TPMT: variants seen among roughly 807,000 people sequenced by gnomAD.
TPMT encodes thiopurine S-methyltransferase.
Under a neutral mutation model 34.2 loss-of-function variants are expected in TPMT, and 18 were observed. That is an observed-to-expected ratio of 0.53 (90% CI 0.36 to 0.78). The LOEUF (loss-of-function observed/expected upper bound fraction) is 0.78, where lower values mean the gene tolerates loss of function less well. Ranked by LOEUF, TPMT falls within the 30% of genes least tolerant of loss-of-function variation. The probability of loss-of-function intolerance (pLI) is 0.00; values close to 1 mark genes in which losing one functional copy is unlikely to be tolerated. For missense variants in TPMT, 265 were observed against 288.1 expected, an observed-to-expected ratio of 0.92 and a Z score of 0.58; for synonymous variants, 69 against 92.4, an observed-to-expected ratio of 0.75 and a Z score of 1.45.
rs1784340126 is a variant in TPMT, at chr6:18,150,893, T to C, written c.-44-1722A>G. Among the ~76,000 whole-genome samples the C allele has an allele frequency of 6.6e-6, 1 of 152,162 alleles. No homozygotes were observed. The highest frequency in any genetic ancestry group is 6.5e-5 in the Admixed American group (1 of 15,276). ...CAGGTCCAGCTAATTTTTGTGTTTTTAATAGAGATGAGATTTGACCATGTT... is the reference window on the plus strand; with the variant it reads ...CAGGTCCAGCTAATTTTTGTGTTTTCAATAGAGATGAGATTTGACCATGTT... On this transcript the variant is annotated intron_variant, in intron 1 of 8. Transcript: ENST00000309983. The surrounding 1 kb of genome is among the most constrained non-coding windows in gnomAD (Gnocchi z 5.3).
Position 18,138,533 on chromosome 6 carries a change from G to T in TPMT, c.494+430C>A, listed in dbSNP as rs1345288264. ...TCCTCCTGCTTTGGCCTCCCACAGT[G>T]CTGGGATTACATGTATGATCCACCA... On this transcript the variant is annotated intron_variant, in intron 6 of 8. Coordinates refer to ENST00000309983, the MANE Select transcript of TPMT (RefSeq NM_000367.5). The surrounding 1 kb of genome is among the most constrained non-coding windows in gnomAD (Gnocchi z 4.1). Among the ~76,000 whole-genome samples, 1 of 152,124 alleles carries T rather than the reference G, an allele frequency of 6.6e-6. No homozygotes were observed. The highest frequency in any genetic ancestry group is 2.4e-5 in the African/African-American group (1 of 41,420).
intron 3 of TPMT, among the ~76,000 whole-genome samples, chr6:18,147,201 A>T (rs1315614347): frequency 6.6e-6 from 1 of 152,232 alleles, no homozygotes; most frequent in Non-Finnish European, 1.5e-5. Flanking sequence ...TTGTATCTGT[A>T]TATTATCATT....
chr6:18,152,877 C>T (rs1301450214), intron 1 of TPMT, among the ~76,000 whole-genome samples: 1 of 152,124 alleles, frequency 6.6e-6, no homozygotes, highest in Admixed American at 6.6e-5. Context: ...CCTTTTGTGC[C>T]TGATAAGAGA....
rs139392616 is a variant in TPMT, at chr6:18,130,729, C to T, written c.677G>A (p.Arg226Gln). ...ACAGTCAATTCCCCAACTTTTATGT[C>T]GTTCTTCAAAAGCATCAACCTTCTC... ...CLEKVDAFEE[R>Q]HKSWGIDCLF... The change falls in exon 9 of 9, where the codon CGA becomes CAA. Residue 226 changes from arginine (R) to glutamine (Q), a missense_variant. By Grantham distance (43) the Arg-to-Gln change is conservative. Coordinates refer to ENST00000309983, the MANE Select transcript of TPMT (RefSeq NM_000367.5). This position sits in a 1 kb window ranked among gnomAD's most constrained non-coding sequence, Gnocchi z 4.2. 5.1e-5 allele frequency: 82 copies of T among 1,613,464 alleles called. No homozygotes were observed. The highest frequency in any genetic ancestry group is 2.0e-4 in the Admixed American group (12 of 60,000).
Position 18,131,263 on chromosome 6 carries a change from C to T in TPMT, c.626-483G>A, listed in dbSNP as rs531178692. 1.3e-4 allele frequency among the ~76,000 whole-genome samples: 20 copies of T among 152,156 alleles called. No homozygotes were observed. The highest frequency in any genetic ancestry group is 1.6e-4 in the Non-Finnish European group (11 of 68,046). ...TTCCTGAACTCTGAATTGTTATTAT[C>T]ACTTTTAACTCCCAAGAGTAAAAAT... On this transcript the variant is annotated intron_variant, in intron 8 of 8. Transcript: ENST00000309983. This position sits in a 1 kb window ranked among gnomAD's most constrained non-coding sequence, Gnocchi z 4.3.
chr6:18,137,642 C>T lies in TPMT; in HGVS notation c.494+1321G>A, dbSNP rs73379148. ...TAATAAGAATGGTCATCAAAAACATCAATAACAATGCTTCAATAATAACAG... is the reference window on the plus strand; with the variant it reads ...TAATAAGAATGGTCATCAAAAACATTAATAACAATGCTTCAATAATAACAG... On this transcript the variant is annotated intron_variant, in intron 6 of 8. Coordinates refer to ENST00000309983, the MANE Select transcript of TPMT (RefSeq NM_000367.5). 5.6e-3 allele frequency among the ~76,000 whole-genome samples: 854 copies of T among 152,286 alleles called. 8 individuals are homozygous for T. The highest frequency in any genetic ancestry group is 0.02 in the African/African-American group (815 of 41,556).
chr6:18,138,868 A>T lies in TPMT; in HGVS notation c.494+95T>A. ...TTCCAAACATAATAACCTATTTCAA[A>T]CTCATAGAAGTCTAAGCTGATTTTC... On this transcript the variant is annotated intron_variant, in intron 6 of 8. Coordinates refer to ENST00000309983, the MANE Select transcript of TPMT (RefSeq NM_000367.5). The surrounding 1 kb of genome is among the most constrained non-coding windows in gnomAD (Gnocchi z 4.1). The T allele has an allele frequency of 9.9e-7, 1 of 1,010,746 alleles. No individual in the cohort carries two copies. The highest frequency in any genetic ancestry group is 1.5e-6 in the Non-Finnish European group (1 of 654,480). 62.6% of individuals were successfully genotyped at this position (1,010,746 alleles called of 1,614,324 possible).
Position 18,153,539 on chromosome 6 carries a change from A to G in TPMT, c.-45+1494T>C, listed in dbSNP as rs1429263128. On this transcript the variant is annotated intron_variant, in intron 1 of 8. Coordinates refer to ENST00000309983, the MANE Select transcript of TPMT (RefSeq NM_000367.5). The surrounding 1 kb of genome is among the most constrained non-coding windows in gnomAD (Gnocchi z 4.2). Reference sequence around the variant, plus strand: ...GGCAAATTTCCCCTTTTGTTGCCAAATTTGGCCTCAGTATGCTTAGGATAT... The same window carrying G: ...GGCAAATTTCCCCTTTTGTTGCCAAGTTTGGCCTCAGTATGCTTAGGATAT... Among the ~76,000 whole-genome samples the G allele has an allele frequency of 6.6e-6, 1 of 152,176 alleles. No individual in the cohort carries two copies. The highest frequency in any genetic ancestry group is 1.5e-5 in the Non-Finnish European group (1 of 68,022).
chr6:18,148,955 A>G lies in TPMT; in HGVS notation c.140+33T>C, dbSNP rs113886055. 1.9e-6 allele frequency: 3 copies of G among 1,612,284 alleles called. 1 individual carries two copies. The highest frequency in any genetic ancestry group is 4.3e-4 in the Middle Eastern group (2 of 4,702). Reference sequence around the variant, plus strand: ...TATCTCAAAGTCACTTTTTGATAGAACATTTCTCTATTGTATACCAAATAT... The same window carrying G: ...TATCTCAAAGTCACTTTTTGATAGAGCATTTCTCTATTGTATACCAAATAT... On this transcript the variant is annotated intron_variant, in intron 2 of 8. Coordinates refer to ENST00000309983, the MANE Select transcript of TPMT (RefSeq NM_000367.5). This position sits in a 1 kb window ranked among gnomAD's most constrained non-coding sequence, Gnocchi z 4.1.
intron 3 of TPMT, among the ~76,000 whole-genome samples, chr6:18,144,411 G>C (rs1784211002): frequency 6.6e-6 from 1 of 152,132 alleles, no homozygotes; most frequent in African/African-American, 2.4e-5. Context: ...GTCTCACTTT[G>C]TTGCCCAGGC....
At position 18,132,851 on chromosome 6, in the gene TPMT, T is replaced by C. The variant is rs530247115; in HGVS notation, c.581-674A>G. Among the ~76,000 whole-genome samples the C allele has an allele frequency of 1.3e-5, 2 of 152,200 alleles. No homozygotes were observed. The highest frequency in any genetic ancestry group is 3.9e-4 in the East Asian group (2 of 5,158). On this transcript the variant is annotated intron_variant, in intron 7 of 8. Transcript: ENST00000309983. The surrounding 1 kb of genome is among the most constrained non-coding windows in gnomAD (Gnocchi z 4.8). ...GCTCACGCCTGTAATCCCAGCACTT[T>C]GGGAGGCTGAGGAGGGCGGATCACC...
At position 18,139,119 on chromosome 6, in the gene TPMT, G is replaced by T; in HGVS notation, c.420-82C>A. 1 of 1,191,616 alleles carries T rather than the reference G, an allele frequency of 8.4e-7. No homozygotes were observed. The highest frequency in any genetic ancestry group is 1.3e-6 in the Non-Finnish European group (1 of 795,018). 73.8% of individuals were successfully genotyped at this position (1,191,616 alleles called of 1,614,324 possible). ...AGCAGCGTCCCCCATGGTGCATGCT[G>T]GTACTTCAACAATCGTCAAGGTATT... On this transcript the variant is annotated intron_variant, in intron 5 of 8. Coordinates refer to ENST00000309983, the MANE Select transcript of TPMT (RefSeq NM_000367.5). This position sits in a 1 kb window ranked among gnomAD's most constrained non-coding sequence, Gnocchi z 4.2.
At chr6:18,134,114 G>A (rs1783997862) in intron 6 of TPMT, among the ~76,000 whole-genome samples, 1 of 152,190 alleles carries the variant, frequency 6.6e-6, no homozygotes, top group South Asian at 2.1e-4. Context: ...GAATCAAATC[G>A]AGGCCTGCTT....
intron 4 of TPMT, among the ~76,000 whole-genome samples, chr6:18,142,057 C>T (rs114994345): frequency 0.053 from 7,989 of 152,166 alleles, 255 homozygotes; most frequent in African/African-American, 0.087. Context: ...CACACTTGAT[C>T]AAACCAATCT....
chr6:18,144,222 G>A lies in TPMT; in HGVS notation c.234-494C>T, dbSNP rs1354559945. Among the ~76,000 whole-genome samples, 6 of 152,200 alleles carry A rather than the reference G, an allele frequency of 3.9e-5. No individual in the cohort carries two copies. The East Asian group carries it at 1.2e-3, about 29-fold the overall frequency. ...AGTTTACATTTAAATAGCCACATGT[G>A]GCTAGTAGCTACTGTACTAAAGTGA... is the stretch of plus-strand genomic sequence containing the variant. On this transcript the variant is annotated intron_variant, in intron 3 of 8. Coordinates refer to ENST00000309983, the MANE Select transcript of TPMT (RefSeq NM_000367.5).
Position 18,143,146 on chromosome 6 carries a change from C to A in TPMT, c.366+450G>T, listed in dbSNP as rs952798484. ...GCCAGGTTGGGCAGGTAACTCCCAT[C>A]TCTTCCCTTAATACCCTGTGTCTTT... On this transcript the variant is annotated intron_variant, in intron 4 of 8. Transcript: ENST00000309983. The surrounding 1 kb of genome is among the most constrained non-coding windows in gnomAD (Gnocchi z 6.1). Among the ~76,000 whole-genome samples the A allele has an allele frequency of 4.9e-4, 74 of 152,304 alleles. No homozygotes were observed. Among genetic ancestry groups the A allele is most frequent in the African/African-American group, 1.7e-3 (71 of 41,570 alleles).
At position 18,135,600 on chromosome 6, in the gene TPMT, G is replaced by C. The variant is rs72839181; in HGVS notation, c.495-1711C>G. On this transcript the variant is annotated intron_variant, in intron 6 of 8. Coordinates refer to ENST00000309983, the MANE Select transcript of TPMT (RefSeq NM_000367.5). This position sits in a 1 kb window ranked among gnomAD's most constrained non-coding sequence, Gnocchi z 5.0. ...AAAATACTAACATAAGGCTGGGCAC[G>C]GTGACTTACATCTGTAATCCCAGCA... Among the ~76,000 whole-genome samples, 23,823 of 152,146 alleles carry C rather than the reference G, an allele frequency of 0.16. 2,329 individuals are homozygous for C. The highest frequency in any genetic ancestry group is 0.35 in the East Asian group (1,826 of 5,162).
At position 18,141,787 on chromosome 6, in the gene TPMT, C is replaced by T. The variant is rs368070946; in HGVS notation, c.366+1809G>A. Among the ~76,000 whole-genome samples, 21 of 152,294 alleles carry T rather than the reference C, an allele frequency of 1.4e-4. No homozygotes were observed. The East Asian group carries it at 2.1e-3, about 15-fold the overall frequency. ...ATTACTAAGGCAGATAGGGAGGATA[C>T]GGAAGGTTTTCCTCTTAATGAAAAG... is the stretch of plus-strand genomic sequence containing the variant. On this transcript the variant is annotated intron_variant, in intron 4 of 8. Coordinates refer to ENST00000309983, the MANE Select transcript of TPMT (RefSeq NM_000367.5).
rs1314446422 is a variant in TPMT at position 18,140,971 on chromosome 6, C to G, written c.367-1254G>C. On this transcript the variant is annotated intron_variant, in intron 4 of 8. Transcript: ENST00000309983. This position sits in a 1 kb window ranked among gnomAD's most constrained non-coding sequence, Gnocchi z 4.7. ...GGAGGAAGGGTCTTTGACAACCAGC[C>G]TGGGATCACTGGGTCAGCCCAGAGA... Among the ~76,000 whole-genome samples, 1 of 152,138 alleles carries G rather than the reference C, an allele frequency of 6.6e-6. No homozygotes were observed. Among genetic ancestry groups the G allele is most frequent in the Non-Finnish European group, 1.5e-5 (1 of 68,042 alleles).
Sources: allele counts gnomAD v4.1 joint callset (sites outside exome capture counted in the v4.1 genomes callset), GRCh38; gene constraint gnomAD v4.1.1; non-coding constraint Gnocchi (gnomAD v3.1); transcripts MANE v1.5; gene names NCBI Gene and HGNC (gene_info 2026-07-23, HGNC 2026-07-21).